Variants in NRXN3 observed in about 807,000 individuals in gnomAD.
The protein encoded by NRXN3 is neurexin III.
In NRXN3, 32 loss-of-function variants were observed where a neutral mutation model predicts 137.6. The observed-to-expected ratio is 0.23, with a 90% confidence interval of 0.18 to 0.31. The LOEUF (loss-of-function observed/expected upper bound fraction) is 0.31. NRXN3 is among the 10% of genes least tolerant of loss of function. NRXN3 has a pLI of 1.00. For synonymous variants in NRXN3, 798 were observed against 784.5 expected, an observed-to-expected ratio of 1.02 and a Z score of -0.29; for missense variants, 1,574 against 2,062.5, an observed-to-expected ratio of 0.76 and a Z score of 4.59.
chr14:78,636,495 C>A (rs2097568111), intron 4 of NRXN3, among the ~76,000 whole-genome samples: 1 of 151,966 alleles, frequency 6.6e-6, no homozygotes, highest in African/African-American at 2.4e-5. Flanking sequence ...TGAATCACTG[C>A]AGGAGAATGA....
At chr14:78,181,318 CA>C (rs1233206747) in intron 1 of NRXN3, among the ~76,000 whole-genome samples, 1 of 152,210 alleles carries the variant, frequency 6.6e-6, no homozygotes, top group African/African-American at 2.4e-5. Context: ...GCATGATAAG[CA>C]AGCATCTTCT....
At chr14:79,837,850 A>G (rs1036151517) in intron 20 of NRXN3, among the ~76,000 whole-genome samples, 2 of 152,160 alleles carry the variant, frequency 1.3e-5, no homozygotes, top group Non-Finnish European at 2.9e-5. Context: ...TAAACTCTTC[A>G]TGCAGCATCT....
intron 15 of NRXN3, among the ~76,000 whole-genome samples, chr14:79,236,878 A>G (rs1303104598): frequency 6.6e-6 from 1 of 152,140 alleles, no homozygotes; most frequent in Non-Finnish European, 1.5e-5. Context: ...GTGCCAGTGC[A>G]CTTTAGCCTG....
At chr14:79,285,364 G>T (rs1331213735) in intron 15 of NRXN3, among the ~76,000 whole-genome samples, 1 of 152,160 alleles carries the variant, frequency 6.6e-6, no homozygotes, top group Non-Finnish European at 1.5e-5. Context: ...GGGTGACCAG[G>T]GAGGGAAGCA....
chr14:78,262,016 A>G (rs1475460045), intron 2 of NRXN3, among the ~76,000 whole-genome samples: 34 of 152,186 alleles, frequency 2.2e-4, no homozygotes, highest in Non-Finnish European at 1.5e-5. Context: ...AGTGCTGTAG[A>G]TGGAAAGAAC....
intron 8 of NRXN3, among the ~76,000 whole-genome samples, chr14:78,801,737 A>G (rs915765866): frequency 1.3e-5 from 2 of 152,198 alleles, no homozygotes; most frequent in African/African-American, 4.8e-5. Flanking sequence ...CTTTATGTCT[A>G]TAGAGATACT....
intron 1 of NRXN3, among the ~76,000 whole-genome samples, chr14:78,186,843 CT>C (rs1235149288): frequency 2.0e-5 from 3 of 152,080 alleles, no homozygotes. Flanking sequence ...CTCTAGCTGG[CT>C]TTTGGGAGAG....
At chr14:79,775,822 G>T (rs2099095277) in intron 19 of NRXN3, among the ~76,000 whole-genome samples, 2 of 152,150 alleles carry the variant, frequency 1.3e-5, no homozygotes, top group African/African-American at 4.8e-5. Context: ...TGGGCATCTT[G>T]GTTCTAGATC....
At chr14:78,948,844 A>G (rs1312105501) in intron 10 of NRXN3, among the ~76,000 whole-genome samples, 1 of 152,080 alleles carries the variant, frequency 6.6e-6, no homozygotes, top group Non-Finnish European at 1.5e-5. Context: ...GAGACAGGAC[A>G]ACTCAGGGAT....
chr14:79,012,423 C>T (rs916693658), intron 15 of NRXN3, among the ~76,000 whole-genome samples: 2 of 152,032 alleles, frequency 1.3e-5, no homozygotes, highest in African/African-American at 4.8e-5. Flanking sequence ...AAGCTTTAGG[C>T]CCATGGTGAT....
intron 16 of NRXN3, among the ~76,000 whole-genome samples, chr14:79,496,807 G>T (rs1170524386): frequency 6.6e-6 from 1 of 152,192 alleles, no homozygotes; most frequent in Non-Finnish European, 1.5e-5. Flanking sequence ...TCAGGCCTTG[G>T]GCTAGGTCCT....
intron 15 of NRXN3, among the ~76,000 whole-genome samples, chr14:79,428,399 A>G (rs2095690942): frequency 6.6e-6 from 1 of 152,126 alleles, no homozygotes; most frequent in African/African-American, 2.4e-5. Flanking sequence ...ATGTCTGCCT[A>G]GTACCTTCAC....
intron 15 of NRXN3, among the ~76,000 whole-genome samples, chr14:79,463,697 C>T (rs1033508282): frequency 6.6e-6 from 1 of 151,936 alleles, no homozygotes; most frequent in African/African-American, 2.4e-5. Context: ...CAGTTTTTGC[C>T]AACAAGGATG....
intron 4 of NRXN3, among the ~76,000 whole-genome samples, chr14:78,512,017 G>GAC (rs2096118520): frequency 6.6e-6 from 1 of 152,156 alleles, no homozygotes; most frequent in Admixed American, 6.5e-5. Context: ...CACAATGCGT[G>GAC]ACACACAGAG....
At chr14:79,526,824 A>G (rs924332303) in intron 16 of NRXN3, among the ~76,000 whole-genome samples, 1 of 152,218 alleles carries the variant, frequency 6.6e-6, no homozygotes, top group Non-Finnish European at 1.5e-5. Context: ...CCACTCCACT[A>G]TATCTACTAG....
chr14:79,086,137 C>T (rs556673006), intron 15 of NRXN3, among the ~76,000 whole-genome samples: 19 of 152,192 alleles, frequency 1.2e-4, no homozygotes, highest in Admixed American at 1.2e-3. Context: ...CAGAGAGCTT[C>T]CGGTAGGATG....
At chr14:79,264,581 A>G (rs2078165542) in intron 15 of NRXN3, among the ~76,000 whole-genome samples, 1 of 148,708 alleles carries the variant, frequency 6.7e-6, no homozygotes, top group Non-Finnish European at 1.5e-5. Flanking sequence ...TATGTCCCCA[A>G]ACTCCGAGTG....
chr14:79,338,272 A>G (rs1293660739), intron 15 of NRXN3, among the ~76,000 whole-genome samples: 6 of 151,722 alleles, frequency 4.0e-5, no homozygotes, highest in Non-Finnish European at 2.9e-5. Context: ...AAGTGTTAGG[A>G]CAGAACAGCA....
Position 78,709,473 on chromosome 14 carries a change from A to G in NRXN3, c.1478A>G (p.Glu493Gly), listed in dbSNP as rs752229247. ...LILFTHGKPQ[E>G]RKDARSQKNT... The stretch of plus-strand genomic sequence containing the variant: ...CTCTTCACTCATGGAAAGCCCCAAG[A>G]GAGGAAGGATGCTCGGAGCCAGAAG... Residue 493 changes from glutamate to glycine, a missense_variant, in exon 7 of 21, where the codon GAG becomes GGG. Physicochemically the swap from Glu to Gly is moderately conservative, Grantham distance 98 (BLOSUM62 -2). Transcript: ENST00000335750. 1.5e-5 allele frequency: 24 copies of G among 1,614,004 alleles called. No homozygotes were observed. Among genetic ancestry groups the G allele is most frequent in the Non-Finnish European group, 1.9e-5 (23 of 1,180,028 alleles).
Sources: allele counts gnomAD v4.1 joint callset (sites outside exome capture counted in the v4.1 genomes callset), GRCh38; gene constraint gnomAD v4.1.1; transcripts MANE v1.5; gene names NCBI Gene and HGNC (gene_info 2026-07-23, HGNC 2026-07-21).